DNAAF5: variants seen among roughly 807,000 people sequenced by gnomAD.
The protein encoded by DNAAF5 is dynein axonemal assembly factor 5, also known as HEAT repeat containing 2.
DNAAF5 carries 64 observed loss-of-function variants against 75.8 expected under a neutral mutation model. The ratio of observed to expected loss-of-function variants is 0.84; its 90% CI spans 0.69 to 1.04. DNAAF5 has a LOEUF of 1.04. Ranked by LOEUF, DNAAF5 falls within the 50% of genes least tolerant of loss-of-function variation. The pLI, the probability that DNAAF5 is intolerant of heterozygous loss-of-function variation, is 0.00. For synonymous variants in DNAAF5, 657 were observed against 557.2 expected (o/e 1.18, Z -2.52); for missense variants, 1,269 against 1,178.5 (o/e 1.08, Z -1.12).
chr7:773,235 TCTG>T (rs1320739591), intron 9 of DNAAF5, among the ~76,000 whole-genome samples: 1 of 152,182 alleles, frequency 6.6e-6, no homozygotes, highest in Non-Finnish European at 1.5e-5. Flanking sequence ...ACTTTCCACA[TCTG>T]CTCATCTACC....
At chr7:783,758 GC>G (rs1779058083) in intron 12 of DNAAF5, among the ~76,000 whole-genome samples, 1 of 151,804 alleles carries the variant, frequency 6.6e-6, no homozygotes, top group African/African-American at 2.4e-5. Context: ...CCCTGCCTGC[GC>G]CCTCCCAGCT....
chr7:775,799 G>A (rs1051857924), intron 11 of DNAAF5, among the ~76,000 whole-genome samples: 1 of 151,396 alleles, frequency 6.6e-6, no homozygotes, highest in South Asian at 2.1e-4. Context: ...TTAAAACAAC[G>A]TTGAACCCAC....
chr7:751,717 C>T (rs556793872), intron 4 of DNAAF5, among the ~76,000 whole-genome samples: 73 of 151,848 alleles, frequency 4.8e-4, no homozygotes, highest in Admixed American at 1.4e-3. Context: ...GGATTACAGG[C>T]GCTCGCCAGC....
At chr7:748,348 T>G (rs1650104540) in intron 4 of DNAAF5, among the ~76,000 whole-genome samples, 1 of 152,224 alleles carries the variant, frequency 6.6e-6, no homozygotes, top group African/African-American at 2.4e-5. Context: ...CCATGGTGTT[T>G]TACTTTGCGA....
At chr7:783,651 G>A (rs960727433) in intron 12 of DNAAF5, among the ~76,000 whole-genome samples, 1 of 151,126 alleles carries the variant, frequency 6.6e-6, no homozygotes, top group Non-Finnish European at 1.5e-5. Flanking sequence ...TTGTTTAAAA[G>A]GAGGACAGCA....
chr7:761,697 G>A (rs565477518), intron 6 of DNAAF5, 56 bp from the exon 7 acceptor site: 1 of 1,535,344 alleles, frequency 6.5e-7, no homozygotes, highest in Non-Finnish European at 8.8e-7. Context: ...ATGGGATTCG[G>A]GTGGGGACAC....
chr7:785,735 C>T lies in DNAAF5; in HGVS notation c.*82C>T, dbSNP rs1779126270. 3.3e-6 allele frequency: 5 copies of T among 1,511,832 alleles called. No individual in the cohort carries two copies. Among genetic ancestry groups the T allele is most frequent in the African/African-American group, 1.4e-5 (1 of 72,954 alleles). The allele number at this position is 1,511,832 out of a possible 1,614,324, so 93.7% of individuals were successfully genotyped here. On this transcript the variant is annotated 3_prime_UTR_variant, in exon 13 of 13. Transcript: ENST00000297440. ...CCTTTAAATCTCATAAACAAGGCAC[C>T]TCTGTGCCAGCAGTGAGACTGTGAC...
At chr7:772,289 A>G (rs940674590) in intron 9 of DNAAF5, 2 of 152,260 alleles carry the variant, frequency 1.3e-5, no homozygotes, top group African/African-American at 4.8e-5. Context: ...TAGTAATTGC[A>G]TTGTAGAGCA....
At chr7:773,929 TG>T in intron 9 of DNAAF5, 118 bp from the exon 10 acceptor site, 2 of 1,152,142 alleles carry the variant, frequency 1.7e-6, no homozygotes, top group Non-Finnish European at 2.6e-6. Context: ...CCTCGTGTTT[TG>T]GGGTCGAGTT....
At chr7:732,741 T>G (rs1781626018) in intron 2 of DNAAF5, among the ~76,000 whole-genome samples, 1 of 152,240 alleles carries the variant, frequency 6.6e-6, no homozygotes, top group Non-Finnish European at 1.5e-5. Context: ...GTCAGTCCCT[T>G]GTCAGATGGG....
chr7:778,503 G>C (rs940757468), intron 11 of DNAAF5: 4 of 152,312 alleles, frequency 2.6e-5, no homozygotes, highest in African/African-American at 9.7e-5. Flanking sequence ...GCCTGGCTTA[G>C]TCGTGCATGA....
intron 9 of DNAAF5, chr7:772,527 C>T (rs867767032): frequency 6.6e-6 from 1 of 152,200 alleles, no homozygotes; most frequent in African/African-American, 2.4e-5. Context: ...CAGTGGACCT[C>T]GAGTCCCTCT....
intron 12 of DNAAF5, among the ~76,000 whole-genome samples, chr7:785,159 CATT>C (rs1779107436): frequency 6.6e-6 from 1 of 152,234 alleles, no homozygotes. Flanking sequence ...CTTGTATCCA[CATT>C]ATGATCGCTG....
Position 774,110 on chromosome 7 carries a change from A to G in DNAAF5, c.1994A>G (p.His665Arg). The change falls in exon 10 of 13, where the codon CAT becomes CGT. Residue 665 changes from histidine (H) to arginine (R), a missense_variant. Transcript: ENST00000297440. ...ATCCTGGCCCCCAATCTGCAGTGGC[A>G]TGCGGGGAGGACAGCCGCGGCCATC... is the stretch of plus-strand genomic sequence containing the variant. ...KDILAPNLQW[H>R]AGRTAAAIRT... 1 of 1,613,572 alleles carries G rather than the reference A, an allele frequency of 6.2e-7. No individual in the cohort carries two copies. The highest frequency in any genetic ancestry group is 2.2e-5 in the East Asian group (1 of 44,862).
At chr7:740,152 G>A (rs890951122) in intron 2 of DNAAF5, among the ~76,000 whole-genome samples, 2 of 152,166 alleles carry the variant, frequency 1.3e-5, no homozygotes, top group Non-Finnish European at 2.9e-5. Flanking sequence ...GGCCGTTCCC[G>A]CTTCCCTTAA....
intron 6 of DNAAF5, among the ~76,000 whole-genome samples, chr7:760,258 G>A (rs1782606102): frequency 6.6e-6 from 1 of 152,210 alleles, no homozygotes; most frequent in African/African-American, 2.4e-5. Flanking sequence ...TGGGGAATGA[G>A]GCTTAGAGTT....
At chr7:744,873 T>C (rs1363991421) in intron 4 of DNAAF5, among the ~76,000 whole-genome samples, 1 of 152,136 alleles carries the variant, frequency 6.6e-6, no homozygotes, top group Admixed American at 6.5e-5. Flanking sequence ...AAAGTGCTGG[T>C]ATTACAGAGG....
Position 754,594 on chromosome 7 carries a change from C to T in DNAAF5, c.1030C>T (p.Arg344Cys), listed in dbSNP as rs1583495983. Residue 344 changes from arginine to cysteine, a missense_variant, in exon 5 of 13, where the codon CGC (arginine) becomes TGC (cysteine). Physicochemically the swap from Arg to Cys is radical, Grantham distance 180. Transcript: ENST00000297440. The surrounding 1 kb of genome is among the most constrained non-coding windows in gnomAD (Gnocchi z 4.8). ...CTTTCCCTTTTTCGTTCCAGAGCGC[C>T]GCCCTGTGCTGGGCTGCCGGGAGCT... The part of the protein sequence containing the change: ...TPPHYPPHER[R>C]PVLGCRELVF... 6 of 1,613,128 alleles carry T rather than the reference C, an allele frequency of 3.7e-6. No individual in the cohort carries two copies. Among genetic ancestry groups the T allele is most frequent in the African/African-American group, 1.3e-5 (1 of 75,010 alleles).
At chr7:751,164 G>T (rs938814534) in intron 4 of DNAAF5, among the ~76,000 whole-genome samples, 2 of 151,392 alleles carry the variant, frequency 1.3e-5, no homozygotes, top group Non-Finnish European at 2.9e-5. Flanking sequence ...AAAAAACGAA[G>T]AGAGGTGTGT....
Sources: allele counts gnomAD v4.1 joint callset (sites outside exome capture counted in the v4.1 genomes callset), GRCh38; gene constraint gnomAD v4.1.1; non-coding constraint Gnocchi (gnomAD v3.1); transcripts MANE v1.5; gene names NCBI Gene and HGNC (gene_info 2026-07-23, HGNC 2026-07-21).